SORCS1: variants seen among roughly 807,000 people sequenced by gnomAD.
The protein encoded by SORCS1 is sortilin related VPS10 domain containing receptor 1.
A neutral mutation model predicts 146.1 loss-of-function variants in SORCS1; 60 were observed. That is an observed-to-expected ratio of 0.41 (90% CI 0.33 to 0.51). The LOEUF (loss-of-function observed/expected upper bound fraction) is 0.51, where lower values mean the gene tolerates loss of function less well. SORCS1 is among the 20% of genes least tolerant of loss of function. The probability of loss-of-function intolerance (pLI) is 0.21; values close to 1 mark genes in which losing one functional copy is unlikely to be tolerated. For missense variants in SORCS1, 1,352 were observed against 1,487.6 expected, an observed-to-expected ratio of 0.91 and a Z score of 1.50; for synonymous variants, 637 against 584.0, an observed-to-expected ratio of 1.09 and a Z score of -1.31.
At chr10:106,744,555 A>C (rs1320249367) in intron 5 of SORCS1, among the ~76,000 whole-genome samples, 1 of 152,226 alleles carries the variant, frequency 6.6e-6, no homozygotes, top group Non-Finnish European at 1.5e-5. Flanking sequence ...TAAGTCCATA[A>C]GGTATAAGAG....
At chr10:106,850,854 C>T (rs1040358417) in intron 2 of SORCS1, among the ~76,000 whole-genome samples, 5 of 152,184 alleles carry the variant, frequency 3.3e-5, no homozygotes, top group Non-Finnish European at 5.9e-5. Flanking sequence ...CTGCCACCCA[C>T]CACACACACG....
intron 2 of SORCS1, among the ~76,000 whole-genome samples, chr10:106,875,713 T>C (rs1012430331): frequency 1.3e-5 from 2 of 152,186 alleles, no homozygotes; most frequent in East Asian, 1.9e-4. Flanking sequence ...CCTGGTGATA[T>C]TGAGCATTTT....
intron 3 of SORCS1, among the ~76,000 whole-genome samples, chr10:106,781,286 T>C (rs1012630904): frequency 1.3e-5 from 2 of 152,208 alleles, no homozygotes; most frequent in Admixed American, 6.5e-5. Flanking sequence ...GGGCATATAC[T>C]TTTTCGTACC....
At chr10:107,120,157 T>C (rs1391211830) in intron 1 of SORCS1, among the ~76,000 whole-genome samples, 2 of 152,206 alleles carry the variant, frequency 1.3e-5, no homozygotes, top group Admixed American at 6.5e-5. Flanking sequence ...CAAGTGAATA[T>C]ATTTAATGTC....
intron 23 of SORCS1, among the ~76,000 whole-genome samples, chr10:106,605,935 G>T (rs1846543992): frequency 6.7e-6 from 1 of 149,348 alleles, no homozygotes; most frequent in African/African-American, 2.6e-5. Flanking sequence ...AGTCATCCTG[G>T]AAGACTAAAG....
chr10:106,629,492 G>A (rs1240414446), intron 18 of SORCS1, 104 bp from the exon 19 acceptor site: 32 of 1,090,518 alleles, frequency 2.9e-5, no homozygotes, highest in South Asian at 4.6e-5. Flanking sequence ...CAGGCATGAT[G>A]GCAGCCCTGG....
At chr10:106,695,063 G>A (rs1205957391) in intron 9 of SORCS1, among the ~76,000 whole-genome samples, 1 of 151,920 alleles carries the variant, frequency 6.6e-6, no homozygotes, top group Non-Finnish European at 1.5e-5. Flanking sequence ...GCCACCATCA[G>A]ACATGCAGCC....
intron 1 of SORCS1, among the ~76,000 whole-genome samples, chr10:107,101,351 T>C (rs1355417259): frequency 6.6e-6 from 1 of 152,208 alleles, no homozygotes; most frequent in East Asian, 1.9e-4. Flanking sequence ...CGGTCTATTT[T>C]TTCATGTTTT....
intron 2 of SORCS1, among the ~76,000 whole-genome samples, chr10:106,940,695 C>A (rs1953995406): frequency 6.6e-6 from 1 of 152,100 alleles, no homozygotes; most frequent in South Asian, 2.1e-4. Flanking sequence ...ACCAACCTGG[C>A]CAACATGGTG....
At chr10:106,871,361 C>A (rs1385463268) in intron 2 of SORCS1, among the ~76,000 whole-genome samples, 1 of 152,148 alleles carries the variant, frequency 6.6e-6, no homozygotes, top group East Asian at 1.9e-4. Flanking sequence ...CCAGAACTAC[C>A]ATTCCACCCA....
intron 24 of SORCS1, among the ~76,000 whole-genome samples, chr10:106,586,660 T>C (rs559088472): frequency 6.6e-6 from 1 of 152,292 alleles, no homozygotes; most frequent in South Asian, 2.1e-4. Flanking sequence ...GAAGAAAGAA[T>C]TTATTAGAAG....
At chr10:106,578,931 C>A in intron 25 of SORCS1, 1 of 1,421,700 alleles carries the variant, frequency 7.0e-7, no homozygotes, top group Non-Finnish European at 9.2e-7. Context: ...GTTTTTCCCC[C>A]ATCCCAATCA....
At chr10:106,605,070 C>T (rs1402523226) in intron 23 of SORCS1, among the ~76,000 whole-genome samples, 1 of 152,242 alleles carries the variant, frequency 6.6e-6, no homozygotes, top group Admixed American at 6.5e-5. Context: ...ACAGACTCTT[C>T]TACATGTGTG....
intron 2 of SORCS1, among the ~76,000 whole-genome samples, chr10:106,879,469 CCCT>C (rs749943010): frequency 1.2e-3 from 181 of 152,082 alleles, no homozygotes; most frequent in Non-Finnish European, 2.1e-3. Context: ...GCAGAATTTT[CCCT>C]CCTCCTCTCC....
At chr10:106,710,271 AC>A (rs773629667) in intron 6 of SORCS1, among the ~76,000 whole-genome samples, 1 of 151,658 alleles carries the variant, frequency 6.6e-6, no homozygotes, top group Non-Finnish European at 1.5e-5. Flanking sequence ...AGATGGTGAA[AC>A]CCCGTCTCTA....
At chr10:106,894,143 T>C (rs1212747202) in intron 2 of SORCS1, among the ~76,000 whole-genome samples, 1 of 152,242 alleles carries the variant, frequency 6.6e-6, no homozygotes, top group Non-Finnish European at 1.5e-5. Flanking sequence ...CATTTGATCA[T>C]GTGACATATT....
At chr10:107,109,106 T>G (rs939327814) in intron 1 of SORCS1, among the ~76,000 whole-genome samples, 1 of 152,232 alleles carries the variant, frequency 6.6e-6, no homozygotes, top group Non-Finnish European at 1.5e-5. Context: ...GTTGAGTGCC[T>G]GAGACTTTTC....
intron 10 of SORCS1, among the ~76,000 whole-genome samples, chr10:106,687,802 T>A (rs1852973541): frequency 6.6e-6 from 1 of 152,238 alleles, no homozygotes; most frequent in Non-Finnish European, 1.5e-5. Flanking sequence ...CGACTCTGCA[T>A]TCAGTTCATC....
At chr10:106,719,646 T>C (rs12251989) in intron 6 of SORCS1, among the ~76,000 whole-genome samples, 5,698 of 152,158 alleles carry the variant, frequency 0.037, 318 homozygotes, top group African/African-American at 0.12. Context: ...CTCTTGATGT[T>C]GTGATCCACC....
Sources: allele counts gnomAD v4.1 joint callset (sites outside exome capture counted in the v4.1 genomes callset), GRCh38; gene constraint gnomAD v4.1.1; transcripts MANE v1.5; gene names NCBI Gene and HGNC (gene_info 2026-07-23, HGNC 2026-07-21).